SLC4A10: variants seen among roughly 807,000 people sequenced by gnomAD.
SLC4A10 encodes the protein sodium-driven chloride bicarbonate exchanger.
A neutral mutation model predicts 137.7 loss-of-function variants in SLC4A10; 42 were observed. The observed-to-expected ratio is 0.30, with a 90% CI of 0.24 to 0.39. The LOEUF (loss-of-function observed/expected upper bound fraction) is 0.39, where lower values mean the gene tolerates loss of function less well. SLC4A10 is among the 10% of genes least tolerant of loss of function. The pLI is 1.00. For missense variants in SLC4A10, 925 were observed against 1,355.0 expected, an observed-to-expected ratio of 0.68 and a Z score of 4.98; for synonymous variants, 474 against 464.1, an observed-to-expected ratio of 1.02 and a Z score of -0.27.
Position 161,905,819 on chromosome 2 carries a change from G to T in SLC4A10, c.1929G>T (p.Lys643Asn). ...TTTTCATTTATGAGGCCCTGGAGAAGTTGTTTGAACTCAGTGAAGCATATC... is the reference window on the plus strand; with the variant it reads ...TTTTCATTTATGAGGCCCTGGAGAATTTGTTTGAACTCAGTGAAGCATATC... ...CIIFIYEALE[K>N]LFELSEAYPI... Residue 643 changes from lysine (K) to asparagine (N), a missense_variant, in exon 15 of 27, where the codon AAG becomes AAT. By Grantham distance (94) the Lys-to-Asn change is moderately conservative. Around this residue, in one of 11 missense-constraint regions of SLC4A10, gnomAD observed 91 missense variants for 95.6 expected, o/e 0.95. Transcript: ENST00000446997. The T allele has an allele frequency of 6.2e-7, 1 of 1,613,974 alleles. No homozygotes were observed. The highest frequency in any genetic ancestry group is 8.5e-7 in the Non-Finnish European group (1 of 1,179,870).
rs1158429563 is a variant in SLC4A10 at position 161,899,329 on chromosome 2, C to T, written c.1342-1582C>T. ...ACCCAGCCTGCCACTCTTATTCATTCCCTTTTATAACAAAATGCCACAGAA... is the reference window on the plus strand; with the variant it reads ...ACCCAGCCTGCCACTCTTATTCATTTCCTTTTATAACAAAATGCCACAGAA... On this transcript the variant is annotated intron_variant, in intron 11 of 26. Coordinates refer to ENST00000446997, the MANE Select transcript of SLC4A10 (RefSeq NM_001178015.2). Among the ~76,000 whole-genome samples, 5 of 152,218 alleles carry T rather than the reference C, an allele frequency of 3.3e-5. No homozygotes were observed. In the East Asian group the frequency reaches 9.7e-4, roughly 29 times the overall value.
intron 1 of SLC4A10, among the ~76,000 whole-genome samples, chr2:161,744,271 T>C (rs1233295861): frequency 6.6e-6 from 1 of 152,168 alleles, no homozygotes; most frequent in Non-Finnish European, 1.5e-5. Context: ...GGGTCTGCCA[T>C]ATATGGCTTT....
At chr2:161,926,396 T>TAG (rs1559548874) in intron 15 of SLC4A10, among the ~76,000 whole-genome samples, 1 of 108,020 alleles carries the variant, frequency 9.3e-6, no homozygotes, top group African/African-American at 3.4e-5. Context: ...GTTTTTTTTT[T>TAG]TTTTTTTTTT....
intron 2 of SLC4A10, among the ~76,000 whole-genome samples, chr2:161,802,886 T>C (rs143824734): frequency 6.6e-6 from 1 of 152,220 alleles, no homozygotes; most frequent in African/African-American, 2.4e-5. Flanking sequence ...TATGGCCTCA[T>C]TTAACCTTAA....
intron 12 of SLC4A10, 92 bp downstream of exon 12, chr2:161,901,103 G>A (rs532550631): frequency 3.2e-6 from 3 of 946,472 alleles, no homozygotes; most frequent in Non-Finnish European, 5.0e-6. Flanking sequence ...CTAATTTATT[G>A]TATACTTTTA....
At chr2:161,766,760 C>T (rs992560120) in intron 1 of SLC4A10, among the ~76,000 whole-genome samples, 5 of 150,878 alleles carry the variant, frequency 3.3e-5, no homozygotes, top group Non-Finnish European at 5.9e-5. Context: ...GCTTTTATTG[C>T]TCTAACCAAG....
intron 1 of SLC4A10, among the ~76,000 whole-genome samples, chr2:161,679,071 C>T (rs143717769): frequency 3.4e-4 from 52 of 152,160 alleles, no homozygotes; most frequent in African/African-American, 1.2e-3. Flanking sequence ...ACTTTCTCAC[C>T]AGTAATCTGT....
intron 1 of SLC4A10, among the ~76,000 whole-genome samples, chr2:161,713,460 A>G (rs1339518974): frequency 1.3e-5 from 2 of 151,748 alleles, no homozygotes; most frequent in East Asian, 3.9e-4. Context: ...AAAATTGCAC[A>G]TGAGAGCATT....
intron 2 of SLC4A10, among the ~76,000 whole-genome samples, chr2:161,789,917 G>A (rs1019733142): frequency 6.6e-6 from 1 of 152,122 alleles, no homozygotes; most frequent in Non-Finnish European, 1.5e-5. Flanking sequence ...CTTTACATAA[G>A]GTAGGTCAAA....
intron 23 of SLC4A10, among the ~76,000 whole-genome samples, chr2:161,967,328 T>A (rs1411590079): frequency 6.6e-6 from 1 of 152,172 alleles, no homozygotes; most frequent in Non-Finnish European, 1.5e-5. Context: ...TCTTGTACCC[T>A]GAGCTGCCAA....
intron 23 of SLC4A10, among the ~76,000 whole-genome samples, chr2:161,972,242 A>C (rs762464963): frequency 3.9e-5 from 6 of 152,092 alleles, no homozygotes; most frequent in Non-Finnish European, 4.4e-5. Flanking sequence ...GGTACCACTG[A>C]GTGTCTACTT....
intron 21 of SLC4A10, among the ~76,000 whole-genome samples, chr2:161,960,458 G>A (rs972753436): frequency 4.0e-5 from 6 of 151,392 alleles, no homozygotes; most frequent in Non-Finnish European, 1.5e-5. Flanking sequence ...GGCCAGGCAC[G>A]GTCAGCTCAC....
chr2:161,675,684 A>G (rs2040204352), intron 1 of SLC4A10, among the ~76,000 whole-genome samples: 1 of 152,108 alleles, frequency 6.6e-6, no homozygotes, highest in Non-Finnish European at 1.5e-5. Flanking sequence ...ATACTTTTAT[A>G]ATTCCATGGA....
chr2:161,902,484 T>A (rs1178422884), intron 12 of SLC4A10, among the ~76,000 whole-genome samples: 2 of 151,536 alleles, frequency 1.3e-5, no homozygotes, highest in African/African-American at 4.8e-5. Context: ...TAAAAAAAAG[T>A]GCATATGTTT....
intron 6 of SLC4A10, among the ~76,000 whole-genome samples, chr2:161,871,948 T>G (rs1027430041): frequency 6.6e-6 from 1 of 152,182 alleles, no homozygotes; most frequent in Non-Finnish European, 1.5e-5. Flanking sequence ...GTCTATCTTG[T>G]CTTTTTATAT....
intron 2 of SLC4A10, among the ~76,000 whole-genome samples, chr2:161,775,729 A>G (rs1008449217): frequency 3.3e-5 from 5 of 151,810 alleles, no homozygotes; most frequent in African/African-American, 1.2e-4. Context: ...TTCATTGTTC[A>G]CCTTTGTCCT....
At position 161,648,385 on chromosome 2, in the gene SLC4A10, C is replaced by T. The variant is rs934704011; in HGVS notation, c.48+23819C>T. Among the ~76,000 whole-genome samples, 5 of 152,106 alleles carry T rather than the reference C, an allele frequency of 3.3e-5. No individual in the cohort carries two copies. In the East Asian group the frequency reaches 5.8e-4, roughly 18 times the overall value. On this transcript the variant is annotated intron_variant, in intron 1 of 26. Transcript: ENST00000446997. ...CTATTGAGTGTTAAGGACTTGGCTC[C>T]GCTGACTTCAATTTCCTATCTAAGC...
intron 3 of SLC4A10, among the ~76,000 whole-genome samples, chr2:161,835,221 T>C (rs886526141): frequency 4.6e-5 from 7 of 152,128 alleles, no homozygotes; most frequent in East Asian, 1.9e-4. Flanking sequence ...GTATTTTTAG[T>C]AGAGATGGGA....
chr2:161,961,570 G>T (rs1268531573), intron 21 of SLC4A10, among the ~76,000 whole-genome samples: 5 of 143,852 alleles, frequency 3.5e-5, no homozygotes, highest in Non-Finnish European at 7.6e-5. Context: ...TTTGCCTTTG[G>T]CAAAAGTTCC....
Sources: gnomAD v4.1 joint callset for allele counts (sites outside exome capture counted in the v4.1 genomes callset) on GRCh38, gnomAD v4.1.1 for gene constraint, gnomAD v4.1.1 regional missense constraint, MANE v1.5 for transcripts, NCBI Gene and HGNC (gene_info 2026-07-23, HGNC 2026-07-21) for gene names.